DNM3: variants seen among roughly 807,000 people sequenced by gnomAD.
The protein encoded by DNM3 is dynamin-3.
In DNM3, 47 loss-of-function variants were observed where a neutral mutation model predicts 101.6. The observed-to-expected ratio is 0.46, with a 90% CI of 0.37 to 0.59. The LOEUF (loss-of-function observed/expected upper bound fraction) is 0.59. Ranked by LOEUF, DNM3 falls within the 20% of genes least tolerant of loss-of-function variation. The probability of loss-of-function intolerance (pLI) is 0.00; values close to 1 mark genes in which losing one functional copy is unlikely to be tolerated. For synonymous variants in DNM3, 385 were observed against 387.9 expected (o/e 0.99, Z 0.09); for missense variants, 849 against 1,085.7 (o/e 0.78, Z 3.06).
chr1:171,851,432 C>T (rs1274669003), intron 1 of DNM3, among the ~76,000 whole-genome samples: 1 of 152,126 alleles, frequency 6.6e-6, no homozygotes. Context: ...TTTTTTGAGA[C>T]AGAGTCTCGC....
At position 171,841,808 on chromosome 1, in the gene DNM3, T is replaced by G; in HGVS notation, c.152T>G (p.Phe51Cys). 6.2e-7 allele frequency: 1 copy of G among 1,608,794 alleles called. No individual in the cohort carries two copies. Among genetic ancestry groups the G allele is most frequent in the South Asian group, 1.1e-5 (1 of 90,512 alleles). ...GGCAAGAGCTCGGTGCTCGAGAACTTCGTGGGCAGGTAAGCGCGCAGGGCG... is the reference window on the plus strand; with the variant it reads ...GGCAAGAGCTCGGTGCTCGAGAACTGCGTGGGCAGGTAAGCGCGCAGGGCG... ...SAGKSSVLEN[F>C]VGRDFLPRGS... Residue 51 changes from phenylalanine to cysteine, a missense_variant, in exon 1 of 21, where the codon TTC becomes TGC. Coordinates refer to ENST00000627582, the MANE Select transcript of DNM3 (RefSeq NM_015569.5).
rs546494995 is a variant in DNM3 at position 172,068,796 on chromosome 1, C to G, written c.1336-23C>G. On this transcript the variant is annotated intron_variant, in intron 10 of 20. Transcript: ENST00000627582. ...TAGTGTAACTTTTTGAGTATTAATA[C>G]TCAGATCTGCTTTTCTTGACAGCTG... is the stretch of plus-strand genomic sequence containing the variant. The G allele has an allele frequency of 3.4e-5, 52 of 1,549,798 alleles. No individual in the cohort carries two copies. The South Asian group carries it at 5.9e-4, about 18-fold the overall frequency.
At chr1:171,915,820 G>C (rs1175643297) in intron 1 of DNM3, among the ~76,000 whole-genome samples, 7 of 152,168 alleles carry the variant, frequency 4.6e-5, no homozygotes, top group Non-Finnish European at 8.8e-5. Flanking sequence ...TTGAGTTCTA[G>C]TGTTTGGCTA....
intron 2 of DNM3, among the ~76,000 whole-genome samples, chr1:171,936,987 A>C (rs2041475356): frequency 1.3e-5 from 2 of 149,524 alleles, no homozygotes; most frequent in African/African-American, 4.9e-5. Context: ...CTACAACAAT[A>C]CTCAGGAGTC....
Position 172,113,714 on chromosome 1 carries a change from A to ATTTTTG in DNM3, c.1546-17461_1546-17460insTTTTTG, listed in dbSNP as rs2055680368. Among the ~76,000 whole-genome samples, 3 of 152,118 alleles carry ATTTTTG rather than the reference A, an allele frequency of 2.0e-5. No individual in the cohort carries two copies. The South Asian group carries it at 6.2e-4, about 32-fold the overall frequency. On this transcript the variant is annotated intron_variant, in intron 13 of 20. Transcript: ENST00000627582. ...CTGGCATCAAAAATTGGTCTTGACA[A>ATTTTTG]AAGTGCCCAAAGCGTTTACACAAAA...
At chr1:172,369,563 CAAT>C (rs992283118) in intron 17 of DNM3, among the ~76,000 whole-genome samples, 11 of 151,990 alleles carry the variant, frequency 7.2e-5, no homozygotes, top group Non-Finnish European at 1.3e-4. Flanking sequence ...TAGAACAAGA[CAAT>C]GATGTCCACT....
chr1:172,377,717 A>T (rs1413571607), intron 17 of DNM3, among the ~76,000 whole-genome samples: 1 of 151,730 alleles, frequency 6.6e-6, no homozygotes, highest in Non-Finnish European at 1.5e-5. Context: ...GAGCCTCAGA[A>T]ATGTCCTCAT....
intron 17 of DNM3, among the ~76,000 whole-genome samples, chr1:172,344,873 C>T (rs896921494): frequency 3.9e-5 from 6 of 152,144 alleles, no homozygotes; most frequent in Non-Finnish European, 7.4e-5. Flanking sequence ...TACCAACATA[C>T]ATGTATATGT....
chr1:172,317,058 C>G (rs2065409219), intron 16 of DNM3, among the ~76,000 whole-genome samples: 1 of 152,044 alleles, frequency 6.6e-6, no homozygotes, highest in Non-Finnish European at 1.5e-5. Context: ...ACAGTGCAAT[C>G]AAACTAGAAC....
intron 20 of DNM3, among the ~76,000 whole-genome samples, chr1:172,390,582 A>G (rs1384253637): frequency 1.3e-5 from 2 of 152,162 alleles, no homozygotes; most frequent in Non-Finnish European, 1.5e-5. Context: ...GACACTCCCA[A>G]TGTCCCTTAG....
intron 14 of DNM3, among the ~76,000 whole-genome samples, chr1:172,214,239 T>C (rs1367045021): frequency 6.6e-6 from 1 of 152,090 alleles, no homozygotes; most frequent in South Asian, 2.1e-4. Context: ...AAATAAAACA[T>C]AGAAGTTGGT....
intron 6 of DNM3, among the ~76,000 whole-genome samples, chr1:172,034,289 TA>T (rs1317841582): frequency 6.6e-6 from 1 of 152,182 alleles, no homozygotes; most frequent in African/African-American, 2.4e-5. Flanking sequence ...TTGTATCATT[TA>T]AAAATATGAA....
At chr1:172,260,783 A>G (rs1392713008) in intron 15 of DNM3, among the ~76,000 whole-genome samples, 1 of 151,986 alleles carries the variant, frequency 6.6e-6, no homozygotes, top group Non-Finnish European at 1.5e-5. Flanking sequence ...TTAAATATAT[A>G]CTTTAATGAG....
intron 17 of DNM3, among the ~76,000 whole-genome samples, chr1:172,371,220 G>A (rs762154216): frequency 8.6e-5 from 13 of 151,870 alleles, no homozygotes; most frequent in Non-Finnish European, 1.8e-4. Flanking sequence ...AAAATGTCAG[G>A]GCTGACAACT....
chr1:172,246,658 C>T (rs1352380512), intron 14 of DNM3, among the ~76,000 whole-genome samples: 1 of 152,014 alleles, frequency 6.6e-6, no homozygotes, highest in Non-Finnish European at 1.5e-5. Context: ...AGCAGGAATC[C>T]CATGGCTGGT....
intron 14 of DNM3, among the ~76,000 whole-genome samples, chr1:172,188,577 A>G (rs1214927725): frequency 6.6e-6 from 1 of 152,066 alleles, no homozygotes; most frequent in East Asian, 1.9e-4. Context: ...CCATTCACCC[A>G]TAGAGGGACA....
At chr1:172,105,424 G>T (rs1424631562) in intron 13 of DNM3, among the ~76,000 whole-genome samples, 1 of 152,186 alleles carries the variant, frequency 6.6e-6, no homozygotes, top group South Asian at 2.1e-4. Context: ...CCTGGTGAAG[G>T]ATGAACTCTT....
chr1:171,871,736 A>G (rs2035301962), intron 1 of DNM3, among the ~76,000 whole-genome samples: 2 of 152,192 alleles, frequency 1.3e-5, no homozygotes, highest in African/African-American at 4.8e-5. Flanking sequence ...TAGAATATTT[A>G]AAATGTATTT....
intron 15 of DNM3, among the ~76,000 whole-genome samples, chr1:172,298,433 A>C (rs886615825): frequency 2.0e-5 from 3 of 152,170 alleles, no homozygotes; most frequent in Non-Finnish European, 4.4e-5. Context: ...TTAGAGTAGA[A>C]AAACTTAGCC....
Sources: gnomAD v4.1 joint callset for allele counts (sites outside exome capture counted in the v4.1 genomes callset) on GRCh38, gnomAD v4.1.1 for gene constraint, MANE v1.5 for transcripts, NCBI Gene and HGNC (gene_info 2026-07-23, HGNC 2026-07-21) for gene names.